DIP2B: variants seen among roughly 807,000 people sequenced by gnomAD.
The protein encoded by DIP2B is disco-interacting protein 2 homolog B.
DIP2B carries 76 observed loss-of-function variants against 198.0 expected under a neutral mutation model. The observed-to-expected ratio is 0.38, with a 90% CI of 0.32 to 0.46. The LOEUF is 0.46. Among genes scored for constraint, DIP2B ranks in the 20% least tolerant of loss-of-function variants. The pLI, the probability that DIP2B is intolerant of heterozygous loss-of-function variation, is 0.99. For missense variants in DIP2B, 1,559 were observed against 1,978.4 expected, an observed-to-expected ratio of 0.79 and a Z score of 4.02; for synonymous variants, 701 against 739.1, an observed-to-expected ratio of 0.95 and a Z score of 0.84.
At chr12:50,602,630 G>C (rs1958946961) in intron 1 of DIP2B, among the ~76,000 whole-genome samples, 1 of 152,094 alleles carries the variant, frequency 6.6e-6, no homozygotes, top group African/African-American at 2.4e-5. Context: ...GGAGGCCGAG[G>C]CTGGCGGATC....
intron 4 of DIP2B, among the ~76,000 whole-genome samples, chr12:50,661,887 G>T (rs1272450196): frequency 1.3e-5 from 2 of 152,184 alleles, no homozygotes; most frequent in Admixed American, 1.3e-4. Flanking sequence ...ATGGCTTTGG[G>T]TGAAATGTGA....
intron 1 of DIP2B, among the ~76,000 whole-genome samples, chr12:50,523,184 G>T (rs1958135499): frequency 6.6e-6 from 1 of 152,164 alleles, no homozygotes; most frequent in Non-Finnish European, 1.5e-5. Flanking sequence ...ATCCAAGGGT[G>T]CTCAAGTCTG....
Position 50,559,313 on chromosome 12 carries a change from C to CTTTT in DIP2B, c.100+54088_100+54091dup, listed in dbSNP as rs11301460. Among the ~76,000 whole-genome samples the CTTTT allele has an allele frequency of 2.0e-4, 24 of 123,016 alleles. No individual in the cohort carries two copies. The East Asian group carries it at 3.0e-3, about 15-fold the overall frequency. 80.7% of individuals were successfully genotyped at this position (123,016 alleles called of 152,430 possible). The stretch of plus-strand genomic sequence containing the variant: ...AGAGGAAGATGGTGTAATTATTTGT[C>CTTTT]TTTTTTTTTTTTTTTTTTGCTGGGC... On this transcript the variant is annotated intron_variant, in intron 1 of 37. Coordinates refer to ENST00000301180, the MANE Select transcript of DIP2B (RefSeq NM_173602.3).
At chr12:50,668,969 A>T (rs573954911) in intron 4 of DIP2B, among the ~76,000 whole-genome samples, 1 of 151,024 alleles carries the variant, frequency 6.6e-6, no homozygotes, top group Admixed American at 6.6e-5. Context: ...TTTGCATGAT[A>T]GATCTCATTC....
chr12:50,506,376 T>TA (rs1457614523), intron 1 of DIP2B, among the ~76,000 whole-genome samples: 3 of 151,976 alleles, frequency 2.0e-5, no homozygotes, highest in African/African-American at 7.3e-5. Flanking sequence ...AAACATTACT[T>TA]ATTGTTTACT....
At chr12:50,618,966 G>A (rs1456543259) in intron 1 of DIP2B, among the ~76,000 whole-genome samples, 1 of 152,098 alleles carries the variant, frequency 6.6e-6, no homozygotes, top group East Asian at 1.9e-4. Context: ...TATTTTATTT[G>A]TCTTTGTTTA....
chr12:50,532,836 C>T (rs541467548), intron 1 of DIP2B, among the ~76,000 whole-genome samples: 9 of 152,108 alleles, frequency 5.9e-5, no homozygotes, highest in Non-Finnish European at 1.3e-4. Context: ...GAAGAAAGGG[C>T]AGTGTATAAG....
At chr12:50,590,992 A>G (rs1055179517) in intron 1 of DIP2B, among the ~76,000 whole-genome samples, 10 of 152,146 alleles carry the variant, frequency 6.6e-5, no homozygotes, top group African/African-American at 2.2e-4. Flanking sequence ...GAGTGGGATT[A>G]AGGCCCTTAT....
At chr12:50,623,267 G>C (rs1937850624) in intron 1 of DIP2B, among the ~76,000 whole-genome samples, 1 of 151,868 alleles carries the variant, frequency 6.6e-6, no homozygotes, top group Non-Finnish European at 1.5e-5. Context: ...CAGCCACTTG[G>C]GAGGCTGAGG....
chr12:50,516,213 ATCTCTCTCTCTC>A (rs68059796), intron 1 of DIP2B, among the ~76,000 whole-genome samples: 3 of 128,628 alleles, frequency 2.3e-5, no homozygotes, highest in East Asian at 4.6e-4. Context: ...TAGAGGCACC[ATCTCTCTCTCTC>A]TCTCTCTCTC....
intron 1 of DIP2B, among the ~76,000 whole-genome samples, chr12:50,522,707 A>G (rs1385513128): frequency 6.6e-6 from 1 of 152,176 alleles, no homozygotes; most frequent in South Asian, 2.1e-4. Context: ...TTGTATATAC[A>G]TAGTATATAT....
chr12:50,604,166 T>C (rs1481548544), intron 1 of DIP2B, among the ~76,000 whole-genome samples: 1 of 136,332 alleles, frequency 7.3e-6, no homozygotes, highest in Non-Finnish European at 1.5e-5. Context: ...ATAATTATAG[T>C]ACAAAAGGTT....
At chr12:50,581,760 G>A (rs1340352999) in intron 1 of DIP2B, among the ~76,000 whole-genome samples, 2 of 152,120 alleles carry the variant, frequency 1.3e-5, no homozygotes, top group Non-Finnish European at 2.9e-5. Flanking sequence ...TGGTTTGCTT[G>A]CCCTGTCCAT....
At chr12:50,609,921 C>T (rs566908265) in intron 1 of DIP2B, among the ~76,000 whole-genome samples, 1 of 152,296 alleles carries the variant, frequency 6.6e-6, no homozygotes, top group South Asian at 2.1e-4. Context: ...CCTGAGAAAA[C>T]TGCATTACAA....
chr12:50,523,979 A>G (rs1958141801), intron 1 of DIP2B, among the ~76,000 whole-genome samples: 1 of 152,144 alleles, frequency 6.6e-6, no homozygotes, highest in Non-Finnish European at 1.5e-5. Flanking sequence ...TGGACAGGCA[A>G]AGTTTAACAT....
chr12:50,664,946 T>C (rs892680965), intron 4 of DIP2B, among the ~76,000 whole-genome samples: 2 of 139,000 alleles, frequency 1.4e-5, no homozygotes, highest in African/African-American at 5.4e-5. Context: ...ACTCCCAGGG[T>C]CAAGCAGTCC....
chr12:50,682,120 T>G (rs1273640460), intron 9 of DIP2B, among the ~76,000 whole-genome samples: 2 of 152,200 alleles, frequency 1.3e-5, no homozygotes, highest in Non-Finnish European at 2.9e-5. Flanking sequence ...TTGAGTGAAT[T>G]AGGAAAAGTC....
intron 1 of DIP2B, among the ~76,000 whole-genome samples, chr12:50,577,820 A>G (rs1958677276): frequency 6.6e-6 from 1 of 152,120 alleles, no homozygotes; most frequent in South Asian, 2.1e-4. Context: ...ATCTGGCCTC[A>G]TGCAGCTATG....
chr12:50,704,524 C>T (rs1052766825), intron 20 of DIP2B, among the ~76,000 whole-genome samples: 17 of 152,232 alleles, frequency 1.1e-4, no homozygotes, highest in Admixed American at 1.1e-3. Context: ...CTATCTCGCT[C>T]TGATTTGATT....
Sources: gnomAD v4.1 joint callset for allele counts (sites outside exome capture counted in the v4.1 genomes callset) on GRCh38, gnomAD v4.1.1 for gene constraint, MANE v1.5 for transcripts, NCBI Gene and HGNC (gene_info 2026-07-23, HGNC 2026-07-21) for gene names.